Variants in LIPC observed in about 807,000 individuals in gnomAD.
LIPC encodes the protein lipase C, hepatic type.
A neutral mutation model predicts 50.7 loss-of-function variants in LIPC; 44 were observed. The ratio of observed to expected loss-of-function variants is 0.87; its 90% confidence interval spans 0.68 to 1.11. The LOEUF (loss-of-function observed/expected upper bound fraction) is 1.11, where lower values mean the gene tolerates loss of function less well. LIPC is among the 50% of genes most tolerant of loss of function. The probability of loss-of-function intolerance (pLI) is 0.00; values close to 1 mark genes in which losing one functional copy is unlikely to be tolerated. For synonymous variants in LIPC, 271 were observed against 256.4 expected (o/e 1.06, Z -0.54); for missense variants, 697 against 648.2 (o/e 1.08, Z -0.82).
intron 1 of LIPC, among the ~76,000 whole-genome samples, chr15:58,495,405 C>A (rs1891731848): frequency 6.6e-6 from 1 of 152,216 alleles, no homozygotes; most frequent in Non-Finnish European, 1.5e-5. Flanking sequence ...TCCCTGTGGG[C>A]TCTTTCCTTC....
At chr15:58,479,949 G>T (rs551119444) in intron 1 of LIPC, among the ~76,000 whole-genome samples, 8 of 152,180 alleles carry the variant, frequency 5.3e-5, no homozygotes, top group African/African-American at 1.9e-4. Flanking sequence ...AGAAAACTAT[G>T]AAAGTGCCTC....
intron 1 of LIPC, 88 bp from the exon 2 acceptor site, chr15:58,538,245 G>T: frequency 7.9e-7 from 1 of 1,272,712 alleles, no homozygotes; most frequent in Non-Finnish European, 1.1e-6. Flanking sequence ...TCTTTGGCTT[G>T]TGCTTGTAGA....
intron 2 of LIPC, among the ~76,000 whole-genome samples, chr15:58,540,741 T>C (rs958028225): frequency 6.6e-6 from 1 of 152,318 alleles, no homozygotes; most frequent in Non-Finnish European, 1.5e-5. Flanking sequence ...CTGTTCCTTC[T>C]GCCTGGGATG....
At chr15:58,487,800 TA>T (rs1891429379) in intron 1 of LIPC, among the ~76,000 whole-genome samples, 1 of 152,100 alleles carries the variant, frequency 6.6e-6, no homozygotes, top group South Asian at 2.1e-4. Context: ...TCAGCAGAGG[TA>T]CTTGCAGGGC....
intron 2 of LIPC, among the ~76,000 whole-genome samples, chr15:58,541,317 C>A (rs1385074731): frequency 6.6e-6 from 1 of 152,016 alleles, no homozygotes; most frequent in Admixed American, 6.6e-5. Flanking sequence ...CAGGGCAGAG[C>A]CAGTGCTATG....
chr15:58,560,830 A>G, intron 6 of LIPC, 34 bp from the exon 7 acceptor site: 1 of 862,110 alleles, frequency 1.2e-6, no homozygotes, highest in Non-Finnish European at 2.0e-6. Context: ...TGCTTAAATT[A>G]TCTCTCTCTT....
At chr15:58,496,264 C>T (rs1891760387) in intron 1 of LIPC, among the ~76,000 whole-genome samples, 1 of 152,128 alleles carries the variant, frequency 6.6e-6, no homozygotes, top group African/African-American at 2.4e-5. Flanking sequence ...CTACAATGCA[C>T]CAGACAGCCT....
intron 1 of LIPC, among the ~76,000 whole-genome samples, chr15:58,536,705 G>A (rs543391672): frequency 1.3e-5 from 2 of 152,184 alleles, no homozygotes; most frequent in African/African-American, 2.4e-5. Context: ...AAGCCAAAGA[G>A]AGCGGCAGAA....
At chr15:58,555,468 C>T (rs773773276) in intron 6 of LIPC, among the ~76,000 whole-genome samples, 32 of 152,230 alleles carry the variant, frequency 2.1e-4, no homozygotes, top group Middle Eastern at 3.4e-3. Context: ...GCTTGCAGAA[C>T]GAAAACAGCA....
At position 58,569,556 on chromosome 15, in the gene LIPC, C is replaced by A. The variant is rs1459490024; in HGVS notation, c.*729C>A. 6.6e-6 allele frequency: 1 copy of A among 152,188 alleles called. No individual in the cohort carries two copies. The highest frequency in any genetic ancestry group is 1.5e-5 in the Non-Finnish European group (1 of 68,040). 9.4% of individuals were successfully genotyped at this position (152,188 alleles called of 1,614,324 possible). Reference sequence around the variant, plus strand: ...TGCTATGGACTGAATGTTTGAGTCACCCCAAAATTCATATGCTGAAATCTA... The same window carrying A: ...TGCTATGGACTGAATGTTTGAGTCAACCCAAAATTCATATGCTGAAATCTA... On this transcript the variant is annotated 3_prime_UTR_variant, in exon 9 of 9. Coordinates refer to ENST00000299022, the MANE Select transcript of LIPC (RefSeq NM_000236.3).
intron 1 of LIPC, among the ~76,000 whole-genome samples, chr15:58,452,181 A>G (rs1893924088): frequency 6.6e-6 from 1 of 152,164 alleles, no homozygotes; most frequent in Non-Finnish European, 1.5e-5. Flanking sequence ...CAACAGTATC[A>G]CCATGCCCCG....
intron 6 of LIPC, among the ~76,000 whole-genome samples, chr15:58,557,379 C>CTTTTTTT (rs386383140): frequency 0.057 from 4,347 of 75,652 alleles, 811 homozygotes; most frequent in African/African-American, 0.12. Context: ...ATTATATGCT[C>CTTTTTTT]TTTTTTTTTT....
chr15:58,538,548 C>A, intron 2 of LIPC, 31 bp downstream of exon 2: 2 of 1,602,302 alleles, frequency 1.2e-6, no homozygotes, highest in Non-Finnish European at 1.7e-6. Flanking sequence ...GTTTTTCTCT[C>A]CGATTTCACA....
At chr15:58,466,179 T>C (rs527704143) in intron 1 of LIPC, among the ~76,000 whole-genome samples, 1 of 152,256 alleles carries the variant, frequency 6.6e-6, no homozygotes, top group Non-Finnish European at 1.5e-5. Flanking sequence ...TCCATCTCAA[T>C]GATTTGACTT....
At chr15:58,567,263 A>ATGTG (rs1386215799) in intron 8 of LIPC, among the ~76,000 whole-genome samples, 38 of 30,946 alleles carry the variant, frequency 1.2e-3, no homozygotes, top group Middle Eastern at 0.013. Flanking sequence ...ATATATATGT[A>ATGTG]TATGTGTGTG....
chr15:58,532,167 A>G (rs941687228), intron 1 of LIPC, among the ~76,000 whole-genome samples: 2 of 152,216 alleles, frequency 1.3e-5, no homozygotes, highest in Non-Finnish European at 2.9e-5. Flanking sequence ...GAGTGGGAGA[A>G]ACATTCCTCA....
At chr15:58,470,703 C>G (rs533749088) in intron 1 of LIPC, among the ~76,000 whole-genome samples, 1 of 151,362 alleles carries the variant, frequency 6.6e-6, no homozygotes, top group East Asian at 2.0e-4. Context: ...GGGTGCACAC[C>G]ATTCTGCTGC....
chr15:58,515,533 C>CACATATATAT (rs147594972), intron 1 of LIPC, among the ~76,000 whole-genome samples: 2,050 of 141,664 alleles, frequency 0.014, 28 homozygotes, highest in South Asian at 0.031. Context: ...TATACACACA[C>CACATATATAT]ATATATATAT....
intron 1 of LIPC, among the ~76,000 whole-genome samples, chr15:58,433,819 G>C (rs755084945): frequency 6.6e-6 from 1 of 152,186 alleles, no homozygotes; most frequent in Non-Finnish European, 1.5e-5. Flanking sequence ...TAGCAAGAGG[G>C]TTCCTCAGAA....
Sources: gnomAD v4.1 joint callset for allele counts (sites outside exome capture counted in the v4.1 genomes callset) on GRCh38, gnomAD v4.1.1 for gene constraint, MANE v1.5 for transcripts, NCBI Gene and HGNC (gene_info 2026-07-23, HGNC 2026-07-21) for gene names.